Variants in PHYHD1 observed in about 807,000 individuals in gnomAD.
PHYHD1 encodes phytanoyl-CoA dioxygenase domain containing 1, also known as phytanoyl-CoA dioxygenase domain-containing protein 1.
In PHYHD1, 42 loss-of-function variants were observed where a neutral mutation model predicts 43.6. The ratio of observed to expected loss-of-function variants is 0.96; its 90% CI spans 0.75 to 1.25. The LOEUF is 1.25. Ranked by LOEUF, PHYHD1 falls within the 50% of genes most tolerant of loss-of-function variation. PHYHD1 has a pLI of 0.00. For missense variants in PHYHD1, 342 were observed against 370.8 expected (o/e 0.92, Z 0.64); for synonymous variants, 139 against 143.6 (o/e 0.97, Z 0.23).
Position 128,922,016 on chromosome 9 carries a change from G to T in PHYHD1, c.-73G>T. 1 of 439,240 alleles carries T rather than the reference G, an allele frequency of 2.3e-6. No homozygotes were observed. Among genetic ancestry groups the T allele is most frequent in the Non-Finnish European group, 4.1e-6 (1 of 245,114 alleles). The allele number at this position is 439,240 out of a possible 1,614,324, so 27.2% of individuals were successfully genotyped here. ...GGGACTCAGCCCAGCTGCTTGGCCTGACCCTCTCACAGCATAATTTCCCGG... is the reference window on the plus strand; with the variant it reads ...GGGACTCAGCCCAGCTGCTTGGCCTTACCCTCTCACAGCATAATTTCCCGG... On this transcript the variant is annotated 5_prime_UTR_variant, in exon 2 of 13. Transcript: ENST00000372592.
chr9:128,936,109 G>A (rs1841416739), intron 6 of PHYHD1, among the ~76,000 whole-genome samples: 1 of 151,958 alleles, frequency 6.6e-6, no homozygotes, highest in Non-Finnish European at 1.5e-5. Context: ...AGGCTTACAG[G>A]AGAGAAATGG....
chr9:128,926,083 C>T (rs774828985), intron 3 of PHYHD1, among the ~76,000 whole-genome samples: 4 of 152,156 alleles, frequency 2.6e-5, no homozygotes, highest in Non-Finnish European at 4.4e-5. Context: ...GGCTGGCTTG[C>T]TTATAGCCAT....
rs1042271094 is a variant in PHYHD1 at position 128,936,515 on chromosome 9, T to C, written c.372+12T>C. The stretch of plus-strand genomic sequence containing the variant: ...CCTTCAAGGTGCAGGTGAGCAGAGG[T>C]GGGGGTGAGGGCCAGGAGGGTGGGC... On this transcript the variant is annotated intron_variant, in intron 7 of 12. Coordinates refer to ENST00000372592, the MANE Select transcript of PHYHD1 (RefSeq NM_001100876.2). 6.2e-7 allele frequency: 1 copy of C among 1,612,880 alleles called. No homozygotes were observed. The highest frequency in any genetic ancestry group is 8.5e-7 in the Non-Finnish European group (1 of 1,179,736).
chr9:128,921,429 G>C lies in PHYHD1; in HGVS notation c.-399G>C, dbSNP rs1328117663. On this transcript the variant is annotated 5_prime_UTR_variant, in exon 1 of 13. Coordinates refer to ENST00000372592, the MANE Select transcript of PHYHD1 (RefSeq NM_001100876.2). The stretch of plus-strand genomic sequence containing the variant: ...TTCTCCTGCCTCAGCCTCGCGAGCA[G>C]CTGGGACTACAGGTGCCCGCCACCA... 1 of 152,340 alleles carries C rather than the reference G, an allele frequency of 6.6e-6. No homozygotes were observed. The highest frequency in any genetic ancestry group is 2.4e-5 in the African/African-American group (1 of 41,462). The allele number at this position is 152,340 out of a possible 1,614,324, so 9.4% of individuals were successfully genotyped here.
At chr9:128,935,501 G>A (rs1035081668) in intron 6 of PHYHD1, among the ~76,000 whole-genome samples, 17 of 147,508 alleles carry the variant, frequency 1.2e-4, no homozygotes, top group Non-Finnish European at 4.4e-5. Flanking sequence ...GTGGGCGCCT[G>A]TAGTCCCAGC....
intron 9 of PHYHD1, among the ~76,000 whole-genome samples, chr9:128,939,645 C>T (rs1298936756): frequency 3.3e-5 from 4 of 121,430 alleles, no homozygotes; most frequent in South Asian, 5.5e-4. Context: ...CTCCCTGCTT[C>T]GCACCCAACT....
rs752174038 is a variant in PHYHD1, at chr9:128,941,702, C to T, written c.865C>T (p.Leu289=). ...AACAGCTGAACTGCCCTTTCCCCAA[C>T]TGTACACCTAAAGGCTCTCGCAGGG... ...QPTAELPFPQ[L]YT The change falls in exon 13 of 13, where the codon CTG becomes TTG. Residue 289 remains leucine, a synonymous_variant. Transcript: ENST00000372592. 6.2e-7 allele frequency: 1 copy of T among 1,614,234 alleles called. No individual in the cohort carries two copies. The highest frequency in any genetic ancestry group is 8.5e-7 in the Non-Finnish European group (1 of 1,180,034).
rs1438126424 is a variant in PHYHD1 at position 128,934,435 on chromosome 9, CTG to C, written c.316+378_316+379del. Reference sequence around the variant, plus strand: ...AAGAAAAGGAAAAAGCATGGGGAAACTGGGGAAACTGAAGCCTGAAGAGTTTA... The same window carrying C: ...AAGAAAAGGAAAAAGCATGGGGAAACGGGAAACTGAAGCCTGAAGAGTTTA... On this transcript the variant is annotated intron_variant, in intron 6 of 12. Transcript: ENST00000372592. Among the ~76,000 whole-genome samples, 21 of 148,940 alleles carry C rather than the reference CTG, an allele frequency of 1.4e-4. No homozygotes were observed. In the Admixed American group the frequency reaches 1.4e-3, roughly 10 times the overall value.
intron 4 of PHYHD1, among the ~76,000 whole-genome samples, chr9:128,929,394 C>A (rs61341051): frequency 0.033 from 4,993 of 151,738 alleles, 272 homozygotes; most frequent in African/African-American, 0.11. Context: ...TTTCAAGGGC[C>A]AGGAGTGGTG....
At chr9:128,938,759 G>A (rs781146573) in intron 9 of PHYHD1, among the ~76,000 whole-genome samples, 4 of 130,944 alleles carry the variant, frequency 3.1e-5, no homozygotes, top group South Asian at 5.0e-4. Context: ...CCTGGAGGAC[G>A]AATTCAGCAT....
At chr9:128,932,940 C>T (rs554039011) in intron 4 of PHYHD1, among the ~76,000 whole-genome samples, 18 of 151,624 alleles carry the variant, frequency 1.2e-4, no homozygotes, top group Admixed American at 2.0e-4. Flanking sequence ...CTCTGCCTCC[C>T]GGGTTCACGC....
chr9:128,935,321 C>T (rs1160330781), intron 6 of PHYHD1, among the ~76,000 whole-genome samples: 1 of 152,106 alleles, frequency 6.6e-6, no homozygotes, highest in African/African-American at 2.4e-5. Context: ...TGGTAAAATA[C>T]ACGTAAGATT....
intron 4 of PHYHD1, among the ~76,000 whole-genome samples, chr9:128,928,386 G>C (rs1203159697): frequency 6.6e-6 from 1 of 152,108 alleles, no homozygotes; most frequent in African/African-American, 2.4e-5. Flanking sequence ...ATGGGTTGTG[G>C]GGTGGGAAGA....
chr9:128,934,164 G>C (rs1841367607), intron 6 of PHYHD1, 106 bp downstream of exon 6: 1 of 1,230,796 alleles, frequency 8.1e-7, no homozygotes, highest in African/African-American at 1.5e-5. Context: ...AAGGTGGGCA[G>C]ATCACTTGAA....
At position 128,921,601 on chromosome 9, in the gene PHYHD1, G is replaced by C. The variant is rs1056028457; in HGVS notation, c.-227G>C. The C allele has an allele frequency of 6.6e-6, 1 of 152,284 alleles. No homozygotes were observed. The highest frequency in any genetic ancestry group is 1.5e-5 in the Non-Finnish European group (1 of 68,150). The allele number at this position is 152,284 out of a possible 1,614,324, so 9.4% of individuals were successfully genotyped here. ...CCCGAGCCGCCGCACCCGGCCTGCA[G>C]GTGTTGTTCTGACCCCAGCTCCACT... is the stretch of plus-strand genomic sequence containing the variant. On this transcript the variant is annotated 5_prime_UTR_variant, in exon 1 of 13. Transcript: ENST00000372592.
At chr9:128,935,558 C>CAAAA (rs766510997) in intron 6 of PHYHD1, among the ~76,000 whole-genome samples, 1 of 104,300 alleles carries the variant, frequency 9.6e-6, no homozygotes, top group Non-Finnish European at 1.9e-5. Flanking sequence ...AACTCTGTCT[C>CAAAA]AAAAAAAAAA....
At chr9:128,941,376 G>A (rs914640783) in intron 11 of PHYHD1, 69 bp from the exon 12 acceptor site, 85 of 1,585,554 alleles carry the variant, frequency 5.4e-5, no homozygotes, top group Non-Finnish European at 7.0e-5. Context: ...GAGGGCCCAT[G>A]TCCCTTCCTG....
rs1487833752 is a variant in PHYHD1, at chr9:128,933,860, T to G, written c.268+3T>G. The G allele has an allele frequency of 6.2e-7, 1 of 1,613,612 alleles. No individual in the cohort carries two copies. The highest frequency in any genetic ancestry group is 1.3e-5 in the African/African-American group (1 of 74,912). The stretch of plus-strand genomic sequence containing the variant: ...GAAAGGCGTTTTTGATGAGAAAGGT[T>G]TGGAGCTGGGGCCCTAGAGCTGGGG... On this transcript the variant is annotated splice_donor_region_variant and intron_variant, in intron 5 of 12. Transcript: ENST00000372592.
intron 11 of PHYHD1, 115 bp downstream of exon 11, chr9:128,940,830 CAG>C (rs1841540751): frequency 9.5e-7 from 1 of 1,056,376 alleles, no homozygotes; most frequent in Non-Finnish European, 1.4e-6. Context: ...AGTGAAGTCA[CAG>C]AAAGAGAAGG....
Sources: gnomAD v4.1 joint callset for allele counts (sites outside exome capture counted in the v4.1 genomes callset) on GRCh38, gnomAD v4.1.1 for gene constraint, MANE v1.5 for transcripts, NCBI Gene and HGNC (gene_info 2026-07-23, HGNC 2026-07-21) for gene names.